MSI2: variants seen among roughly 807,000 people sequenced by gnomAD.
MSI2 encodes musashi RNA binding protein 2, also known as RNA-binding protein Musashi homolog 2.
MSI2 carries 17 observed loss-of-function variants against 45.6 expected under a neutral mutation model. The ratio of observed to expected loss-of-function variants is 0.37; its 90% confidence interval spans 0.26 to 0.56. MSI2 has a LOEUF of 0.56. MSI2 is among the 20% of genes least tolerant of loss of function. The pLI, the probability that MSI2 is intolerant of heterozygous loss-of-function variation, is 0.77. For missense variants in MSI2, 293 were observed against 444.2 expected (o/e 0.66, Z 3.06); for synonymous variants, 156 against 158.2 (o/e 0.99, Z 0.11).
At chr17:57,674,827 C>T in intron 11 of MSI2, 145 bp from the exon 12 acceptor site, 1 of 1,221,132 alleles carries the variant, frequency 8.2e-7, no homozygotes, top group Non-Finnish European at 1.1e-6. Context: ...AGAAGTTGGG[C>T]CTCAGCTGTT....
In MSI2 at chr17:57,462,372, G is replaced by A. The variant is rs2085248069; in HGVS notation, c.405+60901G>A. On this transcript the variant is annotated intron_variant, in intron 6 of 13. Coordinates refer to ENST00000284073, the MANE Select transcript of MSI2 (RefSeq NM_138962.4). ...CCAGAGATGGACAGGTGCCTCCTGGGCTGCCAGCCCCTGCCAGGACTCCTT... is the reference window on the plus strand; with the variant it reads ...CCAGAGATGGACAGGTGCCTCCTGGACTGCCAGCCCCTGCCAGGACTCCTT... Among the ~76,000 whole-genome samples, 3 of 152,290 alleles carry A rather than the reference G, an allele frequency of 2.0e-5. No individual in the cohort carries two copies. The South Asian group carries it at 6.2e-4, about 32-fold the overall frequency.
In MSI2 at chr17:57,328,106, T is replaced by G. The variant is rs563836834; in HGVS notation, c.312+65914T>G. On this transcript the variant is annotated intron_variant, in intron 5 of 13. Coordinates refer to ENST00000284073, the MANE Select transcript of MSI2 (RefSeq NM_138962.4). ...TATCTCAGCAAGGTTCATGTTCTAATAGCAAAATAACCAGACTCAAAGGTA... is the reference window on the plus strand; with the variant it reads ...TATCTCAGCAAGGTTCATGTTCTAAGAGCAAAATAACCAGACTCAAAGGTA... Among the ~76,000 whole-genome samples, 4 of 152,324 alleles carry G rather than the reference T, an allele frequency of 2.6e-5. No individual in the cohort carries two copies. In the South Asian group the frequency reaches 8.3e-4, roughly 32 times the overall value.
chr17:57,317,172 A>T (rs1912916975), intron 5 of MSI2, among the ~76,000 whole-genome samples: 1 of 152,114 alleles, frequency 6.6e-6, no homozygotes, highest in South Asian at 2.1e-4. Context: ...CTGCTGGAGT[A>T]CTGATCAGTG....
chr17:57,627,628 T>G lies in MSI2; in HGVS notation c.727+325T>G. On this transcript the variant is annotated intron_variant, in intron 10 of 13. Transcript: ENST00000284073. This position sits in a 1 kb window ranked among gnomAD's most constrained non-coding sequence, Gnocchi z 4.6. The stretch of plus-strand genomic sequence containing the variant: ...TTTTTTCTCACTGGGGACTGAACTC[T>G]AGGCCCAGGGCTTTCTTTCACCCTC... 2.6e-6 allele frequency: 1 copy of G among 388,636 alleles called. No homozygotes were observed. Among genetic ancestry groups the G allele is most frequent in the East Asian group, 5.5e-5 (1 of 18,076 alleles). The allele number at this position is 388,636 out of a possible 1,614,324, so 24.1% of individuals were successfully genotyped here.
At chr17:57,381,333 G>A (rs566807696) in intron 5 of MSI2, among the ~76,000 whole-genome samples, 5 of 152,162 alleles carry the variant, frequency 3.3e-5, no homozygotes, top group Admixed American at 6.5e-5. Flanking sequence ...CCCAGAGTGC[G>A]GGGATTATAG....
intron 5 of MSI2, among the ~76,000 whole-genome samples, chr17:57,326,524 G>A (rs1440005837): frequency 6.6e-6 from 1 of 152,208 alleles, no homozygotes. Flanking sequence ...CTTGGACTAT[G>A]TCCTAGTCAA....
intron 6 of MSI2, among the ~76,000 whole-genome samples, chr17:57,488,560 C>T (rs1227951358): frequency 1.3e-5 from 2 of 152,114 alleles, no homozygotes; most frequent in Admixed American, 6.5e-5. Context: ...CAGTGGCTCA[C>T]GCCTGTAATC....
chr17:57,274,896 G>T (rs1039032858), intron 5 of MSI2, among the ~76,000 whole-genome samples: 1 of 152,166 alleles, frequency 6.6e-6, no homozygotes, highest in Non-Finnish European at 1.5e-5. Flanking sequence ...AAAAAAAGGG[G>T]AATAGTAGGG....
chr17:57,257,362 C>G (rs1906881130), intron 2 of MSI2, 104 bp from the exon 3 acceptor site: 1 of 748,274 alleles, frequency 1.3e-6, no homozygotes. Flanking sequence ...AACAGAATAA[C>G]AACAGAAAAC....
At chr17:57,621,879 G>A (rs781406110) in intron 9 of MSI2, among the ~76,000 whole-genome samples, 10 of 152,146 alleles carry the variant, frequency 6.6e-5, no homozygotes, top group Non-Finnish European at 1.0e-4. Flanking sequence ...CCTTTGAGCC[G>A]GACAAAACCA....
At chr17:57,635,312 G>A (rs1296693129) in intron 10 of MSI2, among the ~76,000 whole-genome samples, 2 of 152,234 alleles carry the variant, frequency 1.3e-5, no homozygotes, top group East Asian at 1.9e-4. Context: ...TGATGTGGTC[G>A]AACTTCCATA....
rs569790143 is a variant in MSI2 at position 57,299,552 on chromosome 17, G to C, written c.312+37360G>C. Among the ~76,000 whole-genome samples, 15 of 152,318 alleles carry C rather than the reference G, an allele frequency of 9.8e-5. No homozygotes were observed. In the East Asian group the frequency reaches 2.9e-3, roughly 29 times the overall value. ...AGGGACGTGGGGGAATGGCCGGTCA[G>C]TGGATCAGTTAGAACACACACAATA... On this transcript the variant is annotated intron_variant, in intron 5 of 13. Coordinates refer to ENST00000284073, the MANE Select transcript of MSI2 (RefSeq NM_138962.4).
Position 57,514,211 on chromosome 17 carries a change from AT to A in MSI2, c.406-15456del, listed in dbSNP as rs60102144. ...CTGACAGTTTTCCAGCAGCTAAGGG[AT>A]TTTTTTTTCTGCTTCAGAAAGCAAA... On this transcript the variant is annotated intron_variant, in intron 6 of 13. Transcript: ENST00000284073. Among the ~76,000 whole-genome samples the A allele has an allele frequency of 1.4e-3, 217 of 151,598 alleles. 1 individual carries two copies. Among genetic ancestry groups the A allele is most frequent in the African/African-American group, 5.1e-3 (211 of 41,332 alleles).
intron 5 of MSI2, among the ~76,000 whole-genome samples, chr17:57,316,394 C>G (rs185825851): frequency 1.4e-4 from 21 of 150,944 alleles, no homozygotes; most frequent in Admixed American, 4.6e-4. Flanking sequence ...GTGGCATGAT[C>G]ATGGCTCACT....
intron 8 of MSI2, among the ~76,000 whole-genome samples, chr17:57,604,216 C>T (rs1414427106): frequency 1.3e-5 from 2 of 152,146 alleles, no homozygotes; most frequent in Non-Finnish European, 2.9e-5. Flanking sequence ...GTGCCTACCT[C>T]GGAGAGTGCT....
intron 7 of MSI2, among the ~76,000 whole-genome samples, chr17:57,579,044 TC>T (rs2088128839): frequency 6.6e-6 from 1 of 152,160 alleles, no homozygotes; most frequent in Non-Finnish European, 1.5e-5. Flanking sequence ...GAATTATGCA[TC>T]ATGAATAAAA....
At position 57,529,748 on chromosome 17, in the gene MSI2, GGTTGC is replaced by G. The variant is rs1471478505; in HGVS notation, c.454+28_454+32del. ...AGGTAAGATTACCCCAGTGTAAGAG[GGTTGC>G]GTTCACCCTCTCCTGGCCTCTCTGT... On this transcript the variant is annotated intron_variant, in intron 7 of 13. Coordinates refer to ENST00000284073, the MANE Select transcript of MSI2 (RefSeq NM_138962.4). The surrounding 1 kb of genome is among the most constrained non-coding windows in gnomAD (Gnocchi z 5.3). 6.2e-7 allele frequency: 1 copy of G among 1,603,662 alleles called. No individual in the cohort carries two copies. Among genetic ancestry groups the G allele is most frequent in the Admixed American group, 1.7e-5 (1 of 57,692 alleles).
intron 11 of MSI2, chr17:57,671,471 C>T (rs1398250678): frequency 6.6e-6 from 1 of 152,134 alleles, no homozygotes; most frequent in Non-Finnish European, 1.5e-5. Context: ...GGGACCAATT[C>T]TGGCCCCCCA....
rs906487699 is a variant in MSI2 at position 57,623,238 on chromosome 17, C to T, written c.653-3991C>T. ...GCCCCAGGCAGTGCTCTAAACATCA[C>T]GCAGCAGATATGTCACACTCTGGCA... On this transcript the variant is annotated intron_variant, in intron 9 of 13. Coordinates refer to ENST00000284073, the MANE Select transcript of MSI2 (RefSeq NM_138962.4). Among the ~76,000 whole-genome samples the T allele has an allele frequency of 5.3e-5, 8 of 152,108 alleles. No homozygotes were observed. In the South Asian group the frequency reaches 1.5e-3, roughly 28 times the overall value.
Sources: allele counts gnomAD v4.1 joint callset (sites outside exome capture counted in the v4.1 genomes callset), GRCh38; gene constraint gnomAD v4.1.1; non-coding constraint Gnocchi (gnomAD v3.1); transcripts MANE v1.5; gene names NCBI Gene and HGNC (gene_info 2026-07-23, HGNC 2026-07-21).